MYT1L: variants seen among roughly 807,000 people sequenced by gnomAD.
The protein encoded by MYT1L is myelin transcription factor 1 like.
Under a neutral mutation model 126.7 loss-of-function variants are expected in MYT1L, and 12 were observed. That is an observed-to-expected ratio of 0.09 (90% confidence interval 0.06 to 0.15). The LOEUF is 0.15. Among genes scored for constraint, MYT1L ranks in the 10% least tolerant of loss-of-function variants. The probability of loss-of-function intolerance (pLI) is 1.00; values close to 1 mark genes in which losing one functional copy is unlikely to be tolerated. For missense variants in MYT1L, 979 were observed against 1,585.2 expected, an observed-to-expected ratio of 0.62 and a Z score of 6.49; for synonymous variants, 541 against 604.2, an observed-to-expected ratio of 0.90 and a Z score of 1.53.
chr2:1,902,176 C>T (rs2050433132), intron 14 of MYT1L, among the ~76,000 whole-genome samples: 1 of 152,198 alleles, frequency 6.6e-6, no homozygotes, highest in African/African-American at 2.4e-5. Flanking sequence ...TACAGTCTTC[C>T]CCTCTAATGA....
At chr2:1,876,037 G>A (rs893305868) in intron 18 of MYT1L, among the ~76,000 whole-genome samples, 2 of 152,174 alleles carry the variant, frequency 1.3e-5, no homozygotes, top group Admixed American at 6.5e-5. Context: ...TTCTGTCCAC[G>A]TGCACATCTG....
At chr2:1,893,095 C>G (rs1015761329) in intron 14 of MYT1L, among the ~76,000 whole-genome samples, 4 of 152,182 alleles carry the variant, frequency 2.6e-5, no homozygotes, top group Non-Finnish European at 2.9e-5. Flanking sequence ...CTCACTGACA[C>G]GATTCCCACT....
chr2:2,020,420 A>C (rs2064915643), intron 4 of MYT1L, among the ~76,000 whole-genome samples: 1 of 152,168 alleles, frequency 6.6e-6, no homozygotes, highest in Non-Finnish European at 1.5e-5. Context: ...TATCCTCAGC[A>C]CAGGAAGGCG....
chr2:2,020,198 C>T (rs1375056538), intron 4 of MYT1L, among the ~76,000 whole-genome samples: 4 of 152,160 alleles, frequency 2.6e-5, no homozygotes, highest in Admixed American at 6.6e-5. Context: ...GCTGTTATTC[C>T]ATAGTATAGC....
At chr2:2,043,340 C>A (rs2067767496) in intron 4 of MYT1L, among the ~76,000 whole-genome samples, 1 of 151,466 alleles carries the variant, frequency 6.6e-6, no homozygotes, top group Admixed American at 6.6e-5. Flanking sequence ...CAGTAAATTA[C>A]AATGGGAATG....
At chr2:1,896,168 T>A (rs1257620248) in intron 14 of MYT1L, among the ~76,000 whole-genome samples, 1 of 152,110 alleles carries the variant, frequency 6.6e-6, no homozygotes, top group South Asian at 2.1e-4. Context: ...GAATGGCTAT[T>A]ATTAAAAAGC....
chr2:2,230,559 G>T (rs1267959319), intron 2 of MYT1L, among the ~76,000 whole-genome samples: 2 of 152,148 alleles, frequency 1.3e-5, no homozygotes, highest in African/African-American at 4.8e-5. Flanking sequence ...CTCTGCCATC[G>T]CCACTGGCAA....
At chr2:2,271,192 G>C (rs551545508) in intron 2 of MYT1L, among the ~76,000 whole-genome samples, 1 of 152,262 alleles carries the variant, frequency 6.6e-6, no homozygotes, top group East Asian at 1.9e-4. Context: ...CAGGTCACAG[G>C]GGGACACAGT....
At chr2:2,113,899 T>G (rs949695624) in intron 3 of MYT1L, among the ~76,000 whole-genome samples, 10 of 151,990 alleles carry the variant, frequency 6.6e-5, no homozygotes, top group Admixed American at 2.0e-4. Context: ...CTGCCTCCAT[T>G]ACACAGATAG....
chr2:1,903,428 C>T lies in MYT1L; in HGVS notation c.1818-134G>A, dbSNP rs958728327. ...TCAGAACCTTGCACTAAAACTACAA[C>T]TTTTTTATTTTCTGAATAAAAGACA... On this transcript the variant is annotated intron_variant, in intron 13 of 24. Coordinates refer to ENST00000647738, the MANE Select transcript of MYT1L (RefSeq NM_001303052.2). 198 of 697,750 alleles carry T rather than the reference C, an allele frequency of 2.8e-4. 1 individual carries two copies. Among genetic ancestry groups the T allele is most frequent in the Non-Finnish European group, 4.1e-4 (171 of 420,192 alleles). 43.2% of individuals were successfully genotyped at this position (697,750 alleles called of 1,614,324 possible).
intron 18 of MYT1L, 120 bp downstream of exon 18, chr2:1,886,419 T>C: frequency 1.6e-6 from 1 of 631,412 alleles, no homozygotes; most frequent in Non-Finnish European, 2.5e-6. Context: ...ATCAAGGCAC[T>C]GGGGTGCACA....
chr2:1,899,071 G>C (rs1170528329), intron 14 of MYT1L, among the ~76,000 whole-genome samples: 2 of 152,248 alleles, frequency 1.3e-5, no homozygotes, highest in Admixed American at 1.3e-4. Flanking sequence ...TTGGGGGCTG[G>C]TAACCTGACA....
chr2:1,975,247 T>TGCCAGATCCCACC (rs1553373539), intron 8 of MYT1L, among the ~76,000 whole-genome samples: 6 of 149,722 alleles, frequency 4.0e-5, no homozygotes, highest in Admixed American at 6.6e-5. Flanking sequence ...CCAAACAGAC[T>TGCCAGATCCCACC]GCCAGATCCC....
intron 4 of MYT1L, among the ~76,000 whole-genome samples, chr2:2,023,712 G>T (rs544398044): frequency 2.0e-5 from 3 of 151,998 alleles, no homozygotes; most frequent in Admixed American, 2.0e-4. Flanking sequence ...CCTCTTCGAC[G>T]AAGTGAATTC....
At position 1,888,561 on chromosome 2, in the gene MYT1L, G is replaced by A. The variant is rs563734750; in HGVS notation, c.2520+680C>T. 5.9e-5 allele frequency among the ~76,000 whole-genome samples: 9 copies of A among 152,216 alleles called. No homozygotes were observed. In the South Asian group the frequency reaches 1.9e-3, roughly 32 times the overall value. On this transcript the variant is annotated intron_variant, in intron 16 of 24. Coordinates refer to ENST00000647738, the MANE Select transcript of MYT1L (RefSeq NM_001303052.2). ...TACTAAAAACACATTTCATTTTTCA[G>A]TGAAGAAAGAAGATGTCATAAGACT... is the stretch of plus-strand genomic sequence containing the variant.
chr2:2,082,541 T>C (rs1038420063), intron 3 of MYT1L, among the ~76,000 whole-genome samples: 4 of 152,160 alleles, frequency 2.6e-5, no homozygotes, highest in African/African-American at 9.7e-5. Context: ...TTTGTTTTTT[T>C]CTCCAAATGT....
intron 1 of MYT1L, among the ~76,000 whole-genome samples, chr2:2,312,420 G>T (rs1399590408): frequency 6.6e-6 from 1 of 152,040 alleles, no homozygotes; most frequent in Non-Finnish European, 1.5e-5. Context: ...AGACCAGCCT[G>T]GGCAACATGG....
Position 2,023,434 on chromosome 2 carries a change from G to A in MYT1L, c.-157-26087C>T, listed in dbSNP as rs150583784. Among the ~76,000 whole-genome samples the A allele has an allele frequency of 8.5e-3, 1,297 of 152,052 alleles. 26 individuals are homozygous for A. The highest frequency in any genetic ancestry group is 0.029 in the African/African-American group (1,213 of 41,460). On this transcript the variant is annotated intron_variant, in intron 4 of 24. Coordinates refer to ENST00000647738, the MANE Select transcript of MYT1L (RefSeq NM_001303052.2). ...TGTGTGAAGAACTCGGCTGAGCTCC[G>A]CCCAAAATTGTGTGGGCAATCTCTC... is the stretch of plus-strand genomic sequence containing the variant.
In MYT1L at chr2:1,801,656, G is replaced by A. The variant is rs373816224; in HGVS notation, c.3276+40C>T. 3.5e-5 allele frequency: 43 copies of A among 1,237,032 alleles called. No individual in the cohort carries two copies. Among genetic ancestry groups the A allele is most frequent in the East Asian group, 4.7e-5 (2 of 42,930 alleles). 76.6% of individuals were successfully genotyped at this position (1,237,032 alleles called of 1,614,324 possible). On this transcript the variant is annotated intron_variant, in intron 23 of 24. Coordinates refer to ENST00000647738, the MANE Select transcript of MYT1L (RefSeq NM_001303052.2). The surrounding 1 kb of genome is among the most constrained non-coding windows in gnomAD (Gnocchi z 4.2). ...TGCCATGTATCTCTGGTATAATGGC[G>A]CGTGTTAGAGCTAAAATTGAGGGCT... is the stretch of plus-strand genomic sequence containing the variant.
Sources: allele counts gnomAD v4.1 joint callset (sites outside exome capture counted in the v4.1 genomes callset), GRCh38; gene constraint gnomAD v4.1.1; non-coding constraint Gnocchi (gnomAD v3.1); transcripts MANE v1.5; gene names NCBI Gene and HGNC (gene_info 2026-07-23, HGNC 2026-07-21).